TANC2: variants seen among roughly 807,000 people sequenced by gnomAD.
TANC2 encodes the protein protein TANC2.
TANC2 carries 26 observed loss-of-function variants against 210.5 expected under a neutral mutation model. The observed-to-expected ratio is 0.12, with a 90% CI of 0.09 to 0.17. The LOEUF is 0.17. Among genes scored for constraint, TANC2 ranks in the 10% least tolerant of loss-of-function variants. The pLI, the probability that TANC2 is intolerant of heterozygous loss-of-function variation, is 1.00. For synonymous variants in TANC2, 931 were observed against 967.1 expected (o/e 0.96, Z 0.69); for missense variants, 2,129 against 2,608.9 (o/e 0.82, Z 4.01).
intron 14 of TANC2, among the ~76,000 whole-genome samples, chr17:63,363,427 C>A (rs2047020919): frequency 6.6e-6 from 1 of 152,178 alleles, no homozygotes; most frequent in Non-Finnish European, 1.5e-5. Flanking sequence ...CTCCAGAAGT[C>A]TCTATCCAGA....
intron 7 of TANC2, among the ~76,000 whole-genome samples, chr17:63,229,074 T>TG (rs1472188702): frequency 1.3e-5 from 2 of 152,304 alleles, no homozygotes; most frequent in African/African-American, 2.4e-5. Context: ...TTTGCATAAA[T>TG]GGTTCTTACT....
At chr17:63,267,191 A>G (rs2043556315) in intron 8 of TANC2, among the ~76,000 whole-genome samples, 2 of 152,180 alleles carry the variant, frequency 1.3e-5, no homozygotes, top group Admixed American at 1.3e-4. Flanking sequence ...AGTATTTCTT[A>G]TAATTTGAAA....
At chr17:63,054,879 T>C (rs1231609515) in intron 2 of TANC2, among the ~76,000 whole-genome samples, 1 of 152,236 alleles carries the variant, frequency 6.6e-6, no homozygotes, top group African/African-American at 2.4e-5. Flanking sequence ...TTGTATTCCT[T>C]GTGGTTTTAA....
chr17:63,346,952 C>T (rs1167907725), intron 12 of TANC2, among the ~76,000 whole-genome samples: 3 of 152,116 alleles, frequency 2.0e-5, no homozygotes, highest in South Asian at 2.1e-4. Flanking sequence ...GCAGTTTTCC[C>T]GCCTCAGCCT....
intron 2 of TANC2, among the ~76,000 whole-genome samples, chr17:63,011,195 G>A (rs2033855572): frequency 6.6e-6 from 1 of 152,000 alleles, no homozygotes; most frequent in South Asian, 2.1e-4. Flanking sequence ...CAGGAAATGA[G>A]CAGAGACAAA....
rs9914851 is a variant in TANC2, at chr17:63,183,537, G to A, written c.434-10454G>A. 7.6e-3 allele frequency among the ~76,000 whole-genome samples: 1,160 copies of A among 152,152 alleles called. 15 individuals are homozygous for A. The highest frequency in any genetic ancestry group is 0.026 in the African/African-American group (1,072 of 41,514). On this transcript the variant is annotated intron_variant, in intron 5 of 27. Coordinates refer to ENST00000689528, the Ensembl canonical transcript of TANC2. ...TTAAAAACTAAAGTTTGAGAGGGTC[G>A]AAAATTTACCTGCTGCGTATAATGC...
At chr17:63,224,692 C>T (rs2042284864) in intron 7 of TANC2, among the ~76,000 whole-genome samples, 1 of 152,204 alleles carries the variant, frequency 6.6e-6, no homozygotes, top group Non-Finnish European at 1.5e-5. Flanking sequence ...CACCTTCAGG[C>T]TTTTCAAAGA....
At chr17:63,209,929 A>G (rs1015501666) in intron 7 of TANC2, among the ~76,000 whole-genome samples, 4 of 152,202 alleles carry the variant, frequency 2.6e-5, no homozygotes, top group African/African-American at 9.7e-5. Flanking sequence ...TATTCTCTCA[A>G]TGGTGTAAAC....
chr17:63,222,655 C>G (rs1016952793), intron 7 of TANC2, among the ~76,000 whole-genome samples: 2 of 152,004 alleles, frequency 1.3e-5, no homozygotes, highest in African/African-American at 4.8e-5. Context: ...TTTGTCAAAA[C>G]TGCATTTTTT....
At chr17:63,207,458 G>T (rs1030312208) in intron 7 of TANC2, among the ~76,000 whole-genome samples, 2 of 151,560 alleles carry the variant, frequency 1.3e-5, no homozygotes, top group African/African-American at 4.8e-5. Context: ...CTCGTGATCC[G>T]CCCGCCTCAG....
chr17:63,127,589 C>T lies in TANC2; in HGVS notation c.323-23681C>T, dbSNP rs181622264. ...AATGATTTCTTTATGAAAATCTATT[C>T]ATGCTTTAATTTCTTACTCCATCAT... On this transcript the variant is annotated intron_variant, in intron 4 of 27. Coordinates refer to ENST00000689528, the Ensembl canonical transcript of TANC2. Among the ~76,000 whole-genome samples, 444 of 152,266 alleles carry T rather than the reference C, an allele frequency of 2.9e-3. 2 individuals carry two copies. Among genetic ancestry groups the T allele is most frequent in the Non-Finnish European group, 5.2e-3 (353 of 68,012 alleles).
intron 3 of TANC2, among the ~76,000 whole-genome samples, chr17:63,074,971 C>G (rs1466521745): frequency 6.6e-6 from 1 of 152,044 alleles, no homozygotes; most frequent in Non-Finnish European, 1.5e-5. Flanking sequence ...TCTTTTTCTC[C>G]AAGTTTGCTC....
intron 11 of TANC2, among the ~76,000 whole-genome samples, chr17:63,327,419 G>T (rs1265441879): frequency 1.3e-5 from 2 of 152,192 alleles, no homozygotes; most frequent in African/African-American, 4.8e-5. Flanking sequence ...ATAGCCACAC[G>T]CCCATGTTCA....
chr17:63,047,797 T>TA, intron 2 of TANC2, among the ~76,000 whole-genome samples: 1 of 152,022 alleles, frequency 6.6e-6, no homozygotes, highest in African/African-American at 2.4e-5. Flanking sequence ...TTGTTAACAA[T>TA]AAAAAAAGCA....
intron 4 of TANC2, among the ~76,000 whole-genome samples, chr17:63,143,605 T>C (rs556945255): frequency 6.6e-6 from 1 of 152,334 alleles, no homozygotes; most frequent in Admixed American, 6.5e-5. Context: ...ATACATGTTT[T>C]GAAATTGTTA....
At position 63,076,442 on chromosome 17, in the gene TANC2, G is replaced by A. The variant is rs181560084; in HGVS notation, c.139+2428G>A. On this transcript the variant is annotated intron_variant, in intron 3 of 27. Transcript: ENST00000689528. ...TTTCTGGAGAATCTGACCAAAAAAA[G>A]GAAGATAAAAGAAGAAAGAGGAAAT... Among the ~76,000 whole-genome samples the A allele has an allele frequency of 6.4e-3, 972 of 152,206 alleles. 15 individuals carry two copies. Among genetic ancestry groups the A allele is most frequent in the Non-Finnish European group, 9.8e-3 (668 of 67,988 alleles).
intron 19 of TANC2, among the ~76,000 whole-genome samples, chr17:63,403,826 G>C (rs1291594984): frequency 6.6e-6 from 1 of 152,176 alleles, no homozygotes; most frequent in African/African-American, 2.4e-5. Flanking sequence ...GTTACTTGAA[G>C]GTTTATACTT....
At chr17:63,404,147 A>T (rs1159736047) in intron 19 of TANC2, among the ~76,000 whole-genome samples, 1 of 152,232 alleles carries the variant, frequency 6.6e-6, no homozygotes, top group Non-Finnish European at 1.5e-5. Flanking sequence ...TTCCTTTAAA[A>T]TGAAGTATAA....
At chr17:63,315,916 C>A (rs1440016371) in intron 10 of TANC2, among the ~76,000 whole-genome samples, 4 of 152,150 alleles carry the variant, frequency 2.6e-5, no homozygotes, top group Admixed American at 6.5e-5. Context: ...TGGAAGAATT[C>A]TTTTCTTCAG....
Sources: allele counts gnomAD v4.1 joint callset (sites outside exome capture counted in the v4.1 genomes callset), GRCh38; gene constraint gnomAD v4.1.1; transcripts MANE v1.5; gene names NCBI Gene and HGNC (gene_info 2026-07-23, HGNC 2026-07-21).